The following CEP131 variants were observed in gnomAD, a reference collection of about 807,000 sequenced individuals.
CEP131 encodes centrosomal protein 131.
CEP131 carries 99 observed loss-of-function variants against 136.8 expected under a neutral mutation model. That is an observed-to-expected ratio of 0.72 (90% CI 0.62 to 0.86). CEP131 has a LOEUF of 0.86. CEP131 is among the 40% of genes least tolerant of loss of function. The probability of loss-of-function intolerance (pLI) is 0.00; values close to 1 mark genes in which losing one functional copy is unlikely to be tolerated. For missense variants in CEP131, 1,459 were observed against 1,463.0 expected (o/e 1.00, Z 0.04); for synonymous variants, 646 against 612.7 (o/e 1.05, Z -0.80).
chr17:81,197,979 C>T (rs2061802571), intron 12 of CEP131, 91 bp from the exon 13 acceptor site: 40 of 1,528,328 alleles, frequency 2.6e-5, no homozygotes, highest in Non-Finnish European at 3.4e-5. Context: ...AGGCTGGGCT[C>T]TGGGAGGGAG....
chr17:81,195,097 T>C, intron 16 of CEP131, 125 bp from the exon 17 acceptor site: 1 of 708,230 alleles, frequency 1.4e-6, no homozygotes, highest in South Asian at 1.7e-5. Context: ...CATGGTTGGG[T>C]GTGCTGCCCC....
Position 81,220,025 on chromosome 17 carries a change from G to C in CEP131, c.32C>G (p.Pro11Arg), listed in dbSNP as rs368609812. The change falls in exon 2 of 26, where the codon CCG becomes CGG. Residue 11 changes from proline to arginine, a missense_variant. Transcript: ENST00000450824. ...GTCCACACCTGCTGGGCTGCGCTCCGGGACGCTGCCGATGGCCCGGGTGCC... is the reference window on the plus strand; with the variant it reads ...GTCCACACCTGCTGGGCTGCGCTCCCGGACGCTGCCGATGGCCCGGGTGCC... MKGTRAIGSV[P>R]ERSPAGVDLS... The C allele has an allele frequency of 8.7e-6, 14 of 1,600,888 alleles. No homozygotes were observed. In the South Asian group the frequency reaches 1.4e-4, roughly 17 times the overall value.
intron 2 of CEP131, among the ~76,000 whole-genome samples, chr17:81,218,192 G>A (rs905249885): frequency 1.3e-5 from 2 of 152,134 alleles, no homozygotes; most frequent in African/African-American, 4.8e-5. Context: ...AAGGGTGCGC[G>A]CCACCACGCC....
rs1166254313 is a variant in CEP131 at position 81,189,794 on chromosome 17, C to T, written c.3218G>A (p.Arg1073Lys). 1 of 1,609,776 alleles carries T rather than the reference C, an allele frequency of 6.2e-7. No homozygotes were observed. The highest frequency in any genetic ancestry group is 8.5e-7 in the Non-Finnish European group (1 of 1,178,434). ...TCACTTGGTACTTGGCGTGGGCCTC[C>T]TGTGCTGCTCCAGCAGCTCCTCCAG... ...DHLEELLEQH[R>K]RPTPSTK The change falls in exon 26 of 26, where the codon AGG becomes AAG. Residue 1073 changes from arginine (R) to lysine (K), a missense_variant. By Grantham distance (26) the Arg-to-Lys change is conservative. This residue lies in a region of CEP131 where 1,026 missense variants were observed against 964.2 expected (regional missense o/e 1.06). Coordinates refer to ENST00000450824, the MANE Select transcript of CEP131 (RefSeq NM_014984.4).
In CEP131 at chr17:81,192,388, T is replaced by G; in HGVS notation, c.2552A>C (p.Glu851Ala). ...REEQERRHQMELNTLKQQLEL... is the reference protein window; with the variant it reads ...REEQERRHQMALNTLKQQLEL... The stretch of plus-strand genomic sequence containing the variant: ...CAGCTGCTGCTTCAGGGTATTCAGC[T>G]CCATCTGGGGGGCGGACATAAGAGG... The change falls in exon 21 of 26, where the codon GAG (glutamate) becomes GCG (alanine). Residue 851 changes from glutamate to alanine, a missense_variant. Physicochemically the swap from Glu to Ala is moderately radical, Grantham distance 107 (BLOSUM62 -1). This residue lies in a region of CEP131 where 1,026 missense variants were observed against 964.2 expected (regional missense o/e 1.06). Coordinates refer to ENST00000450824, the MANE Select transcript of CEP131 (RefSeq NM_014984.4). 5 of 1,607,298 alleles carry G rather than the reference T, an allele frequency of 3.1e-6. No individual in the cohort carries two copies. The highest frequency in any genetic ancestry group is 4.2e-6 in the Non-Finnish European group (5 of 1,178,042).
intron 3 of CEP131, among the ~76,000 whole-genome samples, chr17:81,207,740 A>G (rs1456133194): frequency 6.6e-6 from 1 of 151,692 alleles, no homozygotes; most frequent in African/African-American, 2.4e-5. Flanking sequence ...CTCAGAGCAG[A>G]AGGGGAAGCA....
chr17:81,202,114 A>T, intron 7 of CEP131, 126 bp downstream of exon 7: 1 of 613,962 alleles, frequency 1.6e-6, no homozygotes, highest in Non-Finnish European at 2.2e-6. Context: ...AAAAAAAAAA[A>T]TTAAATTAAA....
chr17:81,194,171 G>A (rs949712848), intron 17 of CEP131, 44 bp from the exon 18 acceptor site: 1 of 1,449,436 alleles, frequency 6.9e-7, no homozygotes, highest in Middle Eastern at 1.9e-4. Context: ...GCTAGGGTGG[G>A]CCCGGGAAGT....
At position 81,203,508 on chromosome 17, in the gene CEP131, A is replaced by G. The variant is rs373728076; in HGVS notation, c.615T>C (p.Thr205=). The change falls in exon 6 of 26, where the codon ACT becomes ACC. Residue 205 remains threonine, a synonymous_variant. Transcript: ENST00000450824. The surrounding 1 kb of genome is among the most constrained non-coding windows in gnomAD (Gnocchi z 4.6). ...GAAGACCTTACTTGAGGGAGGGGGC[A>G]GTCTGGTTGGAGCTCTTGAGCGGAG... ...RAPPLKSSNQ[T]APSLNNIIKA... The G allele has an allele frequency of 1.9e-6, 3 of 1,604,752 alleles. No individual in the cohort carries two copies. The African/African-American group carries it at 4.0e-5, about 21-fold the overall frequency.
In CEP131 at chr17:81,196,824, C is replaced by T. The variant is rs532970447; in HGVS notation, c.1776G>A (p.Ala592=). 1.4e-5 allele frequency: 22 copies of T among 1,595,064 alleles called. No homozygotes were observed. Among genetic ancestry groups the T allele is most frequent in the Middle Eastern group, 1.7e-4 (1 of 6,036 alleles). Residue 592 remains alanine, a splice_region_variant and synonymous_variant, in exon 15 of 26, where the codon GCG becomes GCA. Coordinates refer to ENST00000450824, the MANE Select transcript of CEP131 (RefSeq NM_014984.4). ...QAMLLLQRAL[A]QQRDLTARRV... Reference sequence around the variant, plus strand: ...GCCGGGCCGTGAGGTCTCGCTGCTGCGCCTGCAGGGTGTGGGCAGAGGAGG... The same window carrying T: ...GCCGGGCCGTGAGGTCTCGCTGCTGTGCCTGCAGGGTGTGGGCAGAGGAGG...
rs887254278 is a variant in CEP131, at chr17:81,215,115, A to G, written c.177+4765T>C. Among the ~76,000 whole-genome samples, 2 of 151,648 alleles carry G rather than the reference A, an allele frequency of 1.3e-5. No homozygotes were observed. The highest frequency in any genetic ancestry group is 2.9e-5 in the Non-Finnish European group (2 of 67,962). On this transcript the variant is annotated intron_variant, in intron 2 of 25. Transcript: ENST00000450824. The surrounding 1 kb of genome is among the most constrained non-coding windows in gnomAD (Gnocchi z 4.1). ...TTAGTTTTAATTTTAATTTTAAAAG[A>G]TAGAGTCTCACTCTGTTGCCCAGGC...
Position 81,191,266 on chromosome 17 carries a change from C to G in CEP131, c.2692G>C (p.Glu898Gln), listed in dbSNP as rs200571201. 137 of 1,613,550 alleles carry G rather than the reference C, an allele frequency of 8.5e-5. No individual in the cohort carries two copies. The highest frequency in any genetic ancestry group is 1.1e-4 in the Non-Finnish European group (130 of 1,179,968). ...EIRKGRDKEI[E>Q]LVIHRLEADM... ...GCCTCCAGCCGGTGAATGACCAGCT[C>G]AATCTCCTTGTCCCGGCCTTTCCGG... The change falls in exon 22 of 26, where the codon GAG (glutamate) becomes CAG (glutamine). Residue 898 changes from glutamate (E) to glutamine (Q), a missense_variant. Physicochemically the swap from Glu to Gln is conservative, Grantham distance 29 (BLOSUM62 2). This residue lies in a region of CEP131 where 1,026 missense variants were observed against 964.2 expected (regional missense o/e 1.06). Coordinates refer to ENST00000450824, the MANE Select transcript of CEP131 (RefSeq NM_014984.4).
Position 81,194,918 on chromosome 17 carries a change from T to C in CEP131, c.2071A>G (p.Lys691Glu). ...TTCTTGGTTTTCTCACTGATCCACT[T>C]CTCCCGGCGGGCTTTCTCGGTGGCG... ...MSATEKARRE[K>E]WISEKTKKIK... The change falls in exon 17 of 26, where the codon AAG (lysine) becomes GAG (glutamate). Residue 691 changes from lysine to glutamate, a missense_variant. Lys to Glu is a moderately conservative substitution (Grantham distance 56). Around this residue, in one of 3 missense-constraint regions of CEP131, gnomAD observed 1,026 missense variants for 964.2 expected, o/e 1.06. Transcript: ENST00000450824. 6.2e-7 allele frequency: 1 copy of C among 1,613,054 alleles called. No individual in the cohort carries two copies. Among genetic ancestry groups the C allele is most frequent in the Non-Finnish European group, 8.5e-7 (1 of 1,179,914 alleles).
chr17:81,191,445 AG>A, intron 21 of CEP131, 110 bp from the exon 22 acceptor site: 1 of 1,029,188 alleles, frequency 9.7e-7, no homozygotes, highest in Non-Finnish European at 1.5e-6. Context: ...CAGGGGAGCA[AG>A]GGGCCTTCCC....
intron 23 of CEP131, 45 bp downstream of exon 23, chr17:81,190,861 AG>A: frequency 1.3e-6 from 2 of 1,593,598 alleles, no homozygotes; most frequent in Non-Finnish European, 8.6e-7. Context: ...TGCATGCAGG[AG>A]GGGCCTGTGG....
At position 81,222,943 on chromosome 17, in the gene CEP131, CG is replaced by C; in HGVS notation, c.-193del. 6.6e-6 allele frequency: 1 copy of C among 152,490 alleles called. No homozygotes were observed. Among genetic ancestry groups the C allele is most frequent in the Non-Finnish European group, 1.5e-5 (1 of 68,130 alleles). 9.4% of individuals were successfully genotyped at this position (152,490 alleles called of 1,614,324 possible). On this transcript the variant is annotated 5_prime_UTR_variant, in exon 1 of 26. Coordinates refer to ENST00000450824, the MANE Select transcript of CEP131 (RefSeq NM_014984.4). ...GGTGACAATGAAGCGGCCGGACGGC[CG>C]GGGTGAGCAGCGGCGGCAGCTAGCA...
chr17:81,195,630 C>A (rs1035875959), intron 16 of CEP131, among the ~76,000 whole-genome samples: 2 of 152,196 alleles, frequency 1.3e-5, no homozygotes, highest in Non-Finnish European at 2.9e-5. Flanking sequence ...ACGGCCCCGC[C>A]CCAGAGCCTG....
At chr17:81,190,075 T>C in intron 24 of CEP131, 100 bp from the exon 25 acceptor site, 1 of 1,112,698 alleles carries the variant, frequency 9.0e-7, no homozygotes, top group Non-Finnish European at 1.3e-6. Context: ...CTGGTCAGCC[T>C]GGTCCCAGCC....
At chr17:81,197,690 G>T in intron 13 of CEP131, 22 bp downstream of exon 13, 1 of 1,597,326 alleles carries the variant, frequency 6.3e-7, no homozygotes, top group Non-Finnish European at 8.5e-7. Flanking sequence ...TGGGGGCCGG[G>T]TGCGGGCTGG....
Sources: allele counts gnomAD v4.1 joint callset (sites outside exome capture counted in the v4.1 genomes callset), GRCh38; gene constraint gnomAD v4.1.1; regional missense constraint gnomAD v4.1.1; non-coding constraint Gnocchi (gnomAD v3.1); transcripts MANE v1.5; gene names NCBI Gene and HGNC (gene_info 2026-07-23, HGNC 2026-07-21).